Variants in ZBTB8B observed in about 807,000 individuals in gnomAD.
The protein encoded by ZBTB8B is zinc finger and BTB domain containing 8B.
A neutral mutation model predicts 30.3 loss-of-function variants in ZBTB8B; 17 were observed. The ratio of observed to expected loss-of-function variants is 0.56; its 90% CI spans 0.38 to 0.84. The LOEUF (loss-of-function observed/expected upper bound fraction) is 0.84, where lower values mean the gene tolerates loss of function less well. ZBTB8B is among the 40% of genes least tolerant of loss of function. The pLI, the probability that ZBTB8B is intolerant of heterozygous loss-of-function variation, is 0.00. For synonymous variants in ZBTB8B, 248 were observed against 255.6 expected (o/e 0.97, Z 0.28); for missense variants, 515 against 644.9 (o/e 0.80, Z 2.18).
intron 2 of ZBTB8B, among the ~76,000 whole-genome samples, chr1:32,477,863 C>T (rs762315753): frequency 4.0e-5 from 6 of 151,866 alleles, no homozygotes; most frequent in Middle Eastern, 3.4e-3. Flanking sequence ...TTGAGATCAG[C>T]CTGACCAACA....
intron 2 of ZBTB8B, among the ~76,000 whole-genome samples, chr1:32,479,664 G>T (rs1643690172): frequency 6.6e-6 from 1 of 152,234 alleles, no homozygotes; most frequent in Non-Finnish European, 1.5e-5. Flanking sequence ...AGGATCCGCA[G>T]GGCTGACTTT....
intron 2 of ZBTB8B, among the ~76,000 whole-genome samples, chr1:32,473,003 C>T (rs1643635910): frequency 6.6e-6 from 1 of 152,174 alleles, no homozygotes; most frequent in Admixed American, 6.5e-5. Flanking sequence ...TTTAAGAGAA[C>T]CTGCTTGTTT....
chr1:32,481,282 T>G (rs976608476), intron 3 of ZBTB8B, among the ~76,000 whole-genome samples: 2 of 152,088 alleles, frequency 1.3e-5, no homozygotes, highest in African/African-American at 4.8e-5. Flanking sequence ...TAACTTCAAG[T>G]TAGACTAGTT....
rs1643799915 is a variant in ZBTB8B at position 32,494,179 on chromosome 1, A to C, written c.*8761A>C. The C allele has an allele frequency of 7.2e-6, 1 of 138,558 alleles. No homozygotes were observed. The highest frequency in any genetic ancestry group is 2.7e-5 in the African/African-American group (1 of 36,492). 8.6% of individuals were successfully genotyped at this position (138,558 alleles called of 1,614,324 possible). On this transcript the variant is annotated 3_prime_UTR_variant, in exon 4 of 4. Transcript: ENST00000609129. ...GCCTGGGCAACGAGAGCAAAACTCC[A>C]TCTCAAAAAAAAAAAAAAAAAAAAA...
chr1:32,496,602 C>T lies in ZBTB8B; in HGVS notation c.*11184C>T, dbSNP rs899223306. On this transcript the variant is annotated 3_prime_UTR_variant, in exon 4 of 4. Transcript: ENST00000609129. ...TCTGTTTATATAGGTCAGTGTTGCC[C>T]AGGTTGTATTGTTTTGCTGTTTTTA... The T allele has an allele frequency of 1.3e-5, 2 of 152,016 alleles. No individual in the cohort carries two copies. The highest frequency in any genetic ancestry group is 4.8e-5 in the African/African-American group (2 of 41,388). The allele number at this position is 152,016 out of a possible 1,614,324, so 9.4% of individuals were successfully genotyped here.
At position 32,465,902 on chromosome 1, in the gene ZBTB8B, C is replaced by T. The variant is rs1482431927; in HGVS notation, c.-42+797C>T. On this transcript the variant is annotated intron_variant, in intron 1 of 3. Transcript: ENST00000609129. The surrounding 1 kb of genome is among the most constrained non-coding windows in gnomAD (Gnocchi z 4.1). Reference sequence around the variant, plus strand: ...TGAAAACTAATGTGCTTGTAAAAGCCAGGCATGGTGGCGCGCACCTGTAGT... The same window carrying T: ...TGAAAACTAATGTGCTTGTAAAAGCTAGGCATGGTGGCGCGCACCTGTAGT... Among the ~76,000 whole-genome samples the T allele has an allele frequency of 1.3e-5, 2 of 152,056 alleles. No homozygotes were observed. Among genetic ancestry groups the T allele is most frequent in the Non-Finnish European group, 2.9e-5 (2 of 68,024 alleles).
intron 2 of ZBTB8B, among the ~76,000 whole-genome samples, chr1:32,477,578 T>G (rs1206819184): frequency 6.6e-6 from 1 of 152,104 alleles, no homozygotes; most frequent in East Asian, 1.9e-4. Flanking sequence ...TGATGAGTTA[T>G]GAGCTGCTAC....
rs1247488062 is a variant in ZBTB8B at position 32,494,812 on chromosome 1, T to G, written c.*9394T>G. Reference sequence around the variant, plus strand: ...CTCGCTGATTTTTTTCCTTCTTTCTTTTTTGAGACAGAGTTCCACTCTGTC... The same window carrying G: ...CTCGCTGATTTTTTTCCTTCTTTCTGTTTTGAGACAGAGTTCCACTCTGTC... On this transcript the variant is annotated 3_prime_UTR_variant, in exon 4 of 4. Transcript: ENST00000609129. 1 of 152,182 alleles carries G rather than the reference T, an allele frequency of 6.6e-6. No homozygotes were observed. Among genetic ancestry groups the G allele is most frequent in the East Asian group, 1.9e-4 (1 of 5,196 alleles). The allele number at this position is 152,182 out of a possible 1,614,324, so 9.4% of individuals were successfully genotyped here. A position where few individuals can be genotyped will look rare whatever the true frequency, so the allele number is the denominator to read the frequency against.
intron 1 of ZBTB8B, among the ~76,000 whole-genome samples, chr1:32,468,147 A>G (rs886448093): frequency 6.6e-6 from 1 of 152,010 alleles, no homozygotes; most frequent in African/African-American, 2.4e-5. Context: ...ATAATATTTA[A>G]AAAAGAAAAC....
At chr1:32,478,841 A>G (rs1643683049) in intron 2 of ZBTB8B, among the ~76,000 whole-genome samples, 1 of 152,042 alleles carries the variant, frequency 6.6e-6, no homozygotes, top group Non-Finnish European at 1.5e-5. Flanking sequence ...GAAAAGAGTT[A>G]CTCCAGTGTT....
intron 1 of ZBTB8B, among the ~76,000 whole-genome samples, chr1:32,468,751 C>G (rs531216498): frequency 2.6e-5 from 4 of 151,880 alleles, no homozygotes; most frequent in Non-Finnish European, 2.9e-5. Flanking sequence ...ATCCCAGCTA[C>G]TTGGGAGGCT....
At chr1:32,471,687 T>A (rs1459567101) in intron 2 of ZBTB8B, 72 bp downstream of exon 2, 1 of 1,444,238 alleles carries the variant, frequency 6.9e-7, no homozygotes, top group East Asian at 2.5e-5. Flanking sequence ...TGTTCTCCCA[T>A]CATCATGATC....
At chr1:32,478,521 AAATAAT>A (rs1371907483) in intron 2 of ZBTB8B, among the ~76,000 whole-genome samples, 1 of 152,174 alleles carries the variant, frequency 6.6e-6, no homozygotes, top group Non-Finnish European at 1.5e-5. Flanking sequence ...CAGGAAAAAA[AAATAAT>A]AATAGTAATA....
At position 32,493,847 on chromosome 1, in the gene ZBTB8B, G is replaced by A. The variant is rs1391828743; in HGVS notation, c.*8429G>A. On this transcript the variant is annotated 3_prime_UTR_variant, in exon 4 of 4. Transcript: ENST00000609129. ...CCAGTGTACTGTGACAGATGGGGAGGAGCCCCACTGCATCTGGAGTGGGTC... is the reference window on the plus strand; with the variant it reads ...CCAGTGTACTGTGACAGATGGGGAGAAGCCCCACTGCATCTGGAGTGGGTC... 1 of 152,004 alleles carries A rather than the reference G, an allele frequency of 6.6e-6. No homozygotes were observed. Among genetic ancestry groups the A allele is most frequent in the African/African-American group, 2.4e-5 (1 of 41,402 alleles). The allele number at this position is 152,004 out of a possible 1,614,324, so 9.4% of individuals were successfully genotyped here. A position where few individuals can be genotyped will look rare whatever the true frequency, so the allele number is the denominator to read the frequency against.
rs1324246269 is a variant in ZBTB8B, at chr1:32,489,464, T to A, written c.*4046T>A. The A allele has an allele frequency of 6.6e-6, 1 of 152,228 alleles. No homozygotes were observed. The allele number at this position is 152,228 out of a possible 1,614,324, so 9.4% of individuals were successfully genotyped here. On this transcript the variant is annotated 3_prime_UTR_variant, in exon 4 of 4. Coordinates refer to ENST00000609129, the MANE Select transcript of ZBTB8B (RefSeq NM_001145720.2). ...TGAGTTCTATCACTTTTAAAGGAGA[T>A]ACTTCCTCTGTCTAGACTATCAGAT...
rs1643739118 is a variant in ZBTB8B, at chr1:32,485,507, C to T, written c.*89C>T. 4 of 1,294,698 alleles carry T rather than the reference C, an allele frequency of 3.1e-6. No homozygotes were observed. 80.2% of individuals were successfully genotyped at this position (1,294,698 alleles called of 1,614,324 possible). Reference sequence around the variant, plus strand: ...TACCATTTGTCCAATTTTGTGGAACCCTGAGAGGAACATTTTTTCACTGTT... The same window carrying T: ...TACCATTTGTCCAATTTTGTGGAACTCTGAGAGGAACATTTTTTCACTGTT... On this transcript the variant is annotated 3_prime_UTR_variant, in exon 4 of 4. Coordinates refer to ENST00000609129, the MANE Select transcript of ZBTB8B (RefSeq NM_001145720.2).
rs1464891623 is a variant in ZBTB8B, at chr1:32,493,504, A to C, written c.*8086A>C. The C allele has an allele frequency of 6.6e-6, 1 of 151,592 alleles. No individual in the cohort carries two copies. The highest frequency in any genetic ancestry group is 1.5e-5 in the Non-Finnish European group (1 of 67,930). 9.4% of individuals were successfully genotyped at this position (151,592 alleles called of 1,614,324 possible). ...GCCGGGAGCAGTGGCTCATGCCTGTAATCCCAGCACTTTGGGAGGTCAACG... is the reference window on the plus strand; with the variant it reads ...GCCGGGAGCAGTGGCTCATGCCTGTCATCCCAGCACTTTGGGAGGTCAACG... On this transcript the variant is annotated 3_prime_UTR_variant, in exon 4 of 4. Coordinates refer to ENST00000609129, the MANE Select transcript of ZBTB8B (RefSeq NM_001145720.2).
rs1239393943 is a variant in ZBTB8B, at chr1:32,484,454, A to G, written c.1171-647A>G. Among the ~76,000 whole-genome samples, 2 of 152,102 alleles carry G rather than the reference A, an allele frequency of 1.3e-5. No individual in the cohort carries two copies. The highest frequency in any genetic ancestry group is 2.9e-5 in the Non-Finnish European group (2 of 68,010). On this transcript the variant is annotated intron_variant, in intron 3 of 3. Transcript: ENST00000609129. This position sits in a 1 kb window ranked among gnomAD's most constrained non-coding sequence, Gnocchi z 4.5. Reference sequence around the variant, plus strand: ...AAAGACCTCCTTCCAAGGTGTTCATAAGGGGTGAAGGGTTGATGATGGGCA... The same window carrying G: ...AAAGACCTCCTTCCAAGGTGTTCATGAGGGGTGAAGGGTTGATGATGGGCA...
At chr1:32,482,920 C>G (rs983768740) in intron 3 of ZBTB8B, among the ~76,000 whole-genome samples, 1 of 151,742 alleles carries the variant, frequency 6.6e-6, no homozygotes, top group Middle Eastern at 3.2e-3. Flanking sequence ...AAATGCAAAT[C>G]AAAGTGAGAT....
Sources: allele counts gnomAD v4.1 joint callset (sites outside exome capture counted in the v4.1 genomes callset), GRCh38; gene constraint gnomAD v4.1.1; non-coding constraint Gnocchi (gnomAD v3.1); transcripts MANE v1.5; gene names NCBI Gene and HGNC (gene_info 2026-07-23, HGNC 2026-07-21).